The following CNTN4 variants were observed in gnomAD, a reference collection of about 807,000 sequenced individuals.
CNTN4 encodes contactin 4, also known as contactin-4.
In CNTN4, 77 loss-of-function variants were observed where a neutral mutation model predicts 122.5. The ratio of observed to expected loss-of-function variants is 0.63; its 90% CI spans 0.52 to 0.76. The LOEUF is 0.76. CNTN4 is among the 30% of genes least tolerant of loss of function. The pLI is 0.00. For missense variants in CNTN4, 1,256 were observed against 1,259.1 expected (o/e 1.00, Z 0.04); for synonymous variants, 512 against 447.0 (o/e 1.15, Z -1.83).
At chr3:3,034,822 T>G in intron 17 of CNTN4, 32 bp downstream of exon 17, 1 of 1,612,446 alleles carries the variant, frequency 6.2e-7, no homozygotes, top group Non-Finnish European at 8.5e-7. Context: ...TCAGAGACAT[T>G]GGGAACTCAG....
chr3:2,299,883 G>A (rs540198818), intron 2 of CNTN4, among the ~76,000 whole-genome samples: 367 of 152,172 alleles, frequency 2.4e-3, no homozygotes, highest in Non-Finnish European at 4.4e-3. Context: ...TTTTACTCAA[G>A]TTTAAATATA....
chr3:2,808,461 G>A (rs1295015074), intron 6 of CNTN4, among the ~76,000 whole-genome samples: 2 of 152,080 alleles, frequency 1.3e-5, no homozygotes, highest in East Asian at 1.9e-4. Flanking sequence ...AATTCAAAAT[G>A]AAGAATCATA....
chr3:2,242,094 C>G (rs929184708), intron 2 of CNTN4, among the ~76,000 whole-genome samples: 1 of 152,036 alleles, frequency 6.6e-6, no homozygotes, highest in Non-Finnish European at 1.5e-5. Flanking sequence ...AGGAAGAACA[C>G]AATTATTTTA....
intron 7 of CNTN4, among the ~76,000 whole-genome samples, chr3:2,858,934 C>T (rs761970645): frequency 5.9e-5 from 9 of 152,186 alleles, no homozygotes; most frequent in Non-Finnish European, 1.2e-4. Flanking sequence ...AATTTACTCT[C>T]AGCAATTTTC....
At chr3:2,611,297 C>CAAAAAAAAAAAAAAA (rs201162114) in intron 4 of CNTN4, among the ~76,000 whole-genome samples, 47 of 62,132 alleles carry the variant, frequency 7.6e-4, no homozygotes, top group African/African-American at 1.7e-3. Context: ...CACCTGGAAC[C>CAAAAAAAAAAAAAAA]AAAAAAAAAA....
At chr3:2,545,558 A>G (rs1356170653) in intron 3 of CNTN4, among the ~76,000 whole-genome samples, 1 of 150,728 alleles carries the variant, frequency 6.6e-6, no homozygotes, top group East Asian at 1.9e-4. Context: ...TTGGTTGCAT[A>G]TATATTTAGG....
intron 4 of CNTN4, among the ~76,000 whole-genome samples, chr3:2,712,744 C>G (rs1435764011): frequency 1.3e-5 from 2 of 152,170 alleles, no homozygotes; most frequent in Non-Finnish European, 2.9e-5. Flanking sequence ...ACTTTCAACC[C>G]CAACCTTTGG....
chr3:2,581,869 C>T (rs370326331), intron 4 of CNTN4, among the ~76,000 whole-genome samples: 81 of 152,252 alleles, frequency 5.3e-4, no homozygotes, highest in Admixed American at 8.5e-4. Context: ...TTGAAGATAC[C>T]GTGCTAAGTG....
At chr3:2,568,442 T>A (rs138770861) in intron 3 of CNTN4, among the ~76,000 whole-genome samples, 1 of 151,538 alleles carries the variant, frequency 6.6e-6, no homozygotes, top group East Asian at 1.9e-4. Flanking sequence ...GATTTACGAG[T>A]CTCATTCTTG....
chr3:2,237,366 T>C (rs2039724181), intron 2 of CNTN4, among the ~76,000 whole-genome samples: 2 of 152,028 alleles, frequency 1.3e-5, no homozygotes, highest in South Asian at 4.1e-4. Context: ...TCCCAGAAAC[T>C]CCAGAGGCTG....
At chr3:2,699,731 C>T (rs962029251) in intron 4 of CNTN4, among the ~76,000 whole-genome samples, 3 of 152,148 alleles carry the variant, frequency 2.0e-5, no homozygotes, top group Admixed American at 6.5e-5. Context: ...GTGGTTTCAC[C>T]AGTGTAGCCT....
intron 13 of CNTN4, among the ~76,000 whole-genome samples, chr3:2,982,308 T>C (rs1317163594): frequency 6.6e-6 from 1 of 152,216 alleles, no homozygotes; most frequent in African/African-American, 2.4e-5. Context: ...ACTACCACCG[T>C]CACCTGAACA....
At chr3:2,380,385 C>T (rs114238139) in intron 3 of CNTN4, among the ~76,000 whole-genome samples, 1 of 152,250 alleles carries the variant, frequency 6.6e-6, no homozygotes, top group Non-Finnish European at 1.5e-5. Flanking sequence ...GCACTAAGAT[C>T]TGATGTTGTA....
At chr3:2,527,874 C>G (rs907269059) in intron 3 of CNTN4, among the ~76,000 whole-genome samples, 1 of 152,140 alleles carries the variant, frequency 6.6e-6, no homozygotes, top group African/African-American at 2.4e-5. Context: ...AATCTGCCCT[C>G]AATTCTTTCT....
chr3:2,831,901 C>T (rs138784154), intron 7 of CNTN4, among the ~76,000 whole-genome samples: 1 of 152,322 alleles, frequency 6.6e-6, no homozygotes, highest in Non-Finnish European at 1.5e-5. Context: ...CTTATCATTT[C>T]ACGCAAACCA....
intron 11 of CNTN4, 109 bp from the exon 12 acceptor site, chr3:2,902,767 A>G (rs2094188734): frequency 1.7e-6 from 2 of 1,147,718 alleles, no homozygotes; most frequent in Non-Finnish European, 2.5e-6. Flanking sequence ...TGCTTATATG[A>G]TGGCTGTTTT....
At chr3:2,863,923 C>G (rs191841365) in intron 7 of CNTN4, among the ~76,000 whole-genome samples, 231 of 152,304 alleles carry the variant, frequency 1.5e-3, no homozygotes, top group African/African-American at 5.2e-3. Context: ...TCAAAGACCA[C>G]TGTTTAGGAA....
At chr3:2,670,798 A>G (rs1452345672) in intron 4 of CNTN4, among the ~76,000 whole-genome samples, 2 of 152,294 alleles carry the variant, frequency 1.3e-5, no homozygotes, top group East Asian at 3.9e-4. Context: ...GGTGGTGACA[A>G]AATCTCTCAG....
rs943794768 is a variant in CNTN4, at chr3:2,254,786, G to C, written c.-144-84392G>C. On this transcript the variant is annotated intron_variant, in intron 2 of 24. Transcript: ENST00000418658. ...AATTCCTTGTATATTCTGGATATTA[G>C]CCCTTTGTCAGATGGTGGATTACAA... is the stretch of plus-strand genomic sequence containing the variant. Among the ~76,000 whole-genome samples, 9 of 151,870 alleles carry C rather than the reference G, an allele frequency of 5.9e-5. No individual in the cohort carries two copies. The East Asian group carries it at 1.7e-3, about 30-fold the overall frequency.
Sources: allele counts gnomAD v4.1 joint callset (sites outside exome capture counted in the v4.1 genomes callset), GRCh38; gene constraint gnomAD v4.1.1; transcripts MANE v1.5; gene names NCBI Gene and HGNC (gene_info 2026-07-23, HGNC 2026-07-21).